Variants in ABL1 observed in about 807,000 individuals in gnomAD.
The protein encoded by ABL1 is tyrosine-protein kinase ABL1.
In ABL1, 11 loss-of-function variants were observed where a neutral mutation model predicts 94.7. The observed-to-expected ratio is 0.12, with a 90% CI of 0.07 to 0.19. ABL1 has a LOEUF of 0.19. Among genes scored for constraint, ABL1 ranks in the 10% least tolerant of loss-of-function variants. The pLI is 1.00. For synonymous variants in ABL1, 656 were observed against 622.4 expected, an observed-to-expected ratio of 1.05 and a Z score of -0.80; for missense variants, 1,082 against 1,489.4, an observed-to-expected ratio of 0.73 and a Z score of 4.50.
Position 130,877,341 on chromosome 9 carries a change from T to G in ABL1, c.1271-1074T>G, listed in dbSNP as rs544226088. Among the ~76,000 whole-genome samples, 4 of 148,446 alleles carry G rather than the reference T, an allele frequency of 2.7e-5. No individual in the cohort carries two copies. In the South Asian group the frequency reaches 8.4e-4, roughly 31 times the overall value. On this transcript the variant is annotated intron_variant, in intron 7 of 10. Transcript: ENST00000318560. ...GAATTTTAAGGCAATAATCTCAGAT[T>G]TCAAAACTTTCAAAGATTTCATAAG...
intron 1 of ABL1, among the ~76,000 whole-genome samples, chr9:130,740,579 G>A (rs912404424): frequency 2.0e-5 from 3 of 152,166 alleles, no homozygotes; most frequent in East Asian, 1.9e-4. Flanking sequence ...TCTATTAGAC[G>A]TATGTTTATC....
Position 130,764,573 on chromosome 9 carries a change from G to A in ABL1, c.136+50118G>A, listed in dbSNP as rs35259124. 4.2e-3 allele frequency among the ~76,000 whole-genome samples: 641 copies of A among 152,284 alleles called. 2 individuals are homozygous for A. The highest frequency in any genetic ancestry group is 0.014 in the African/African-American group (586 of 41,554). ...GATTTCTTTTTCGTGGTGGCACTGT[G>A]TTTTCTTTTGCTTGTTATGCGTAAG... On this transcript the variant is annotated intron_variant, in intron 1 of 10. Coordinates refer to the ABL1 transcript ENST00000372348.
At chr9:130,759,427 T>C (rs1449922515) in intron 1 of ABL1, among the ~76,000 whole-genome samples, 1 of 152,254 alleles carries the variant, frequency 6.6e-6, no homozygotes, top group Non-Finnish European at 1.5e-5. Flanking sequence ...TTGCGAGTTG[T>C]CTCCAGTGCT....
chr9:130,787,290 G>C (rs1829841402), intron 1 of ABL1, among the ~76,000 whole-genome samples: 1 of 152,130 alleles, frequency 6.6e-6, no homozygotes, highest in East Asian at 1.9e-4. Context: ...CTTCAGGATA[G>C]GGCTTTCTTA....
chr9:130,876,124 C>T (rs1349607185), intron 7 of ABL1, among the ~76,000 whole-genome samples: 1 of 152,158 alleles, frequency 6.6e-6, no homozygotes, highest in Non-Finnish European at 1.5e-5. Flanking sequence ...CCACGCCTGG[C>T]CCCAAAATGC....
intron 1 of ABL1, among the ~76,000 whole-genome samples, chr9:130,840,355 T>G (rs1277523134): frequency 1.3e-5 from 2 of 152,234 alleles, no homozygotes; most frequent in Non-Finnish European, 2.9e-5. Flanking sequence ...TCCCATTGGC[T>G]CATGGTTGGC....
At chr9:130,875,811 C>G (rs570254255) in intron 7 of ABL1, among the ~76,000 whole-genome samples, 1 of 152,160 alleles carries the variant, frequency 6.6e-6, no homozygotes, top group East Asian at 1.9e-4. Flanking sequence ...CCTTTCCTCC[C>G]CTCTCCCTCC....
intron 6 of ABL1, 124 bp from the exon 7 acceptor site, chr9:130,874,744 A>T: frequency 1.9e-6 from 2 of 1,060,950 alleles, no homozygotes; most frequent in Non-Finnish European, 2.8e-6. Context: ...GCATTAATAC[A>T]AACTTCCAGG....
At chr9:130,796,467 A>G (rs1450084311) in intron 1 of ABL1, among the ~76,000 whole-genome samples, 2 of 151,952 alleles carry the variant, frequency 1.3e-5, no homozygotes, top group Non-Finnish European at 2.9e-5. Flanking sequence ...GCCGAGATCA[A>G]TCACACCACT....
At chr9:130,875,228 C>T (rs1177760095) in intron 7 of ABL1, among the ~76,000 whole-genome samples, 176 bp downstream of exon 7, 2 of 152,036 alleles carry the variant, frequency 1.3e-5, no homozygotes, top group African/African-American at 4.8e-5. Flanking sequence ...TGCAGCCTCT[C>T]CCTCCCGGGT....
chr9:130,884,466 G>A lies in ABL1; in HGVS notation c.2176G>A (p.Ala726Thr), dbSNP rs2133036164. ...SCSASCVPHG[A>T]KDTEWRSVTL... ...CTCCGCCTCCTGCGTTCCCCATGGG[G>A]CCAAGGACACGGAGTGGAGGTCAGT... The change falls in exon 11 of 11, where the codon GCC becomes ACC. Residue 726 changes from alanine to threonine, a missense_variant. By Grantham distance (58) the Ala-to-Thr change is moderately conservative. Around this residue, in one of 7 missense-constraint regions of ABL1, gnomAD observed 780 missense variants for 835.8 expected, o/e 0.93. Transcript: ENST00000318560. This position sits in a 1 kb window ranked among gnomAD's most constrained non-coding sequence, Gnocchi z 5.6. The A allele has an allele frequency of 6.2e-7, 1 of 1,613,000 alleles. No individual in the cohort carries two copies. The highest frequency in any genetic ancestry group is 1.1e-5 in the South Asian group (1 of 91,092).
intron 4 of ABL1, among the ~76,000 whole-genome samples, chr9:130,868,457 G>A (rs1410308310): frequency 2.0e-5 from 3 of 151,988 alleles, no homozygotes; most frequent in African/African-American, 7.2e-5. Flanking sequence ...TGCTGAGAGC[G>A]AGACATTGAA....
chr9:130,873,365 C>T (rs1201684985), intron 6 of ABL1, among the ~76,000 whole-genome samples: 4 of 152,352 alleles, frequency 2.6e-5, no homozygotes, highest in Non-Finnish European at 5.9e-5. Context: ...CTAATAATCA[C>T]AGTCCCCTCT....
In ABL1 at chr9:130,863,359, C is replaced by T. The variant is rs1831106184; in HGVS notation, c.822+324C>T. Among the ~76,000 whole-genome samples, 1 of 152,090 alleles carries T rather than the reference C, an allele frequency of 6.6e-6. No individual in the cohort carries two copies. Among genetic ancestry groups the T allele is most frequent in the African/African-American group, 2.4e-5 (1 of 41,412 alleles). Reference sequence around the variant, plus strand: ...GTGGATTTCCATGCTGTTCGTGCGGCATGGAGATCACTTCCTACCGAGAGT... The same window carrying T: ...GTGGATTTCCATGCTGTTCGTGCGGTATGGAGATCACTTCCTACCGAGAGT... On this transcript the variant is annotated intron_variant, in intron 4 of 10. Transcript: ENST00000318560. The surrounding 1 kb of genome is among the most constrained non-coding windows in gnomAD (Gnocchi z 4.3).
Position 130,881,032 on chromosome 9 carries a change from G to A in ABL1, c.1678+368G>A, listed in dbSNP as rs917153864. On this transcript the variant is annotated intron_variant, in intron 10 of 10. Coordinates refer to ENST00000318560, the MANE Select transcript of ABL1 (RefSeq NM_005157.6). ...CCAGGCTGCGTGACAAGCAGCTCAC[G>A]GTGAAGGCACTGATGTGAGAAGCTC... 4.6e-5 allele frequency among the ~76,000 whole-genome samples: 7 copies of A among 152,208 alleles called. No individual in the cohort carries two copies. The East Asian group carries it at 5.8e-4, about 13-fold the overall frequency.
At chr9:130,820,482 C>T (rs145288580) in intron 1 of ABL1, among the ~76,000 whole-genome samples, 1 of 152,184 alleles carries the variant, frequency 6.6e-6, no homozygotes, top group Non-Finnish European at 1.5e-5. Context: ...CTCCCCACTC[C>T]CACCCAGTCT....
At chr9:130,744,465 CATG>C (rs1831859504) in intron 1 of ABL1, among the ~76,000 whole-genome samples, 2 of 151,460 alleles carry the variant, frequency 1.3e-5, no homozygotes, top group Non-Finnish European at 2.9e-5. Context: ...TAGCTTGTCA[CATG>C]ATGAATGCTT....
At chr9:130,773,760 CAT>C (rs1162971671) in intron 1 of ABL1, among the ~76,000 whole-genome samples, 5 of 150,984 alleles carry the variant, frequency 3.3e-5, no homozygotes, top group African/African-American at 1.2e-4. Flanking sequence ...GGATTACAGA[CAT>C]GAGCCATTGT....
At chr9:130,797,010 G>GGT in intron 1 of ABL1, among the ~76,000 whole-genome samples, 1 of 151,036 alleles carries the variant, frequency 6.6e-6, no homozygotes, top group East Asian at 2.0e-4. Flanking sequence ...GGCTGAGGCG[G>GGT]GTGGATCACG....
Sources: gnomAD v4.1 joint callset for allele counts (sites outside exome capture counted in the v4.1 genomes callset) on GRCh38, gnomAD v4.1.1 for gene constraint, gnomAD v4.1.1 regional missense constraint, Gnocchi (gnomAD v3.1) non-coding constraint, MANE v1.5 for transcripts, NCBI Gene and HGNC (gene_info 2026-07-23, HGNC 2026-07-21) for gene names.